Variants in EFCAB5 observed in about 807,000 individuals in gnomAD.
EFCAB5 encodes the protein EF-hand calcium-binding domain-containing protein 5.
EFCAB5 carries 131 observed loss-of-function variants against 167.9 expected under a neutral mutation model. The ratio of observed to expected loss-of-function variants is 0.78; its 90% CI spans 0.68 to 0.90. The LOEUF (loss-of-function observed/expected upper bound fraction) is 0.90, where lower values mean the gene tolerates loss of function less well. Ranked by LOEUF, EFCAB5 falls within the 40% of genes least tolerant of loss-of-function variation. The pLI is 0.00. For synonymous variants in EFCAB5, 574 were observed against 602.8 expected (o/e 0.95, Z 0.70); for missense variants, 1,663 against 1,745.2 (o/e 0.95, Z 0.84).
chr17:30,059,960 C>T (rs2070381811), intron 14 of EFCAB5: 1 of 210,854 alleles, frequency 4.7e-6, no homozygotes, highest in Non-Finnish European at 9.3e-6. Context: ...GCAGCTGTGA[C>T]TGCAGTACCT....
intron 14 of EFCAB5, chr17:30,068,783 G>T: frequency 7.4e-7 from 1 of 1,350,802 alleles, no homozygotes; most frequent in Non-Finnish European, 1.1e-6. Flanking sequence ...TTCTCCAGCC[G>T]GGCCCGCGAA....
intron 15 of EFCAB5, among the ~76,000 whole-genome samples, chr17:30,079,608 A>C (rs1490146315): frequency 6.6e-6 from 1 of 152,220 alleles, no homozygotes; most frequent in Admixed American, 6.5e-5. Flanking sequence ...TCAAATATAC[A>C]AAGTGTGTTA....
chr17:30,033,723 A>G (rs1486371431), intron 7 of EFCAB5, among the ~76,000 whole-genome samples: 1 of 152,208 alleles, frequency 6.6e-6, no homozygotes, highest in Non-Finnish European at 1.5e-5. Context: ...TTCAGTCCCT[A>G]TACTTTAAAA....
At chr17:30,092,805 G>A (rs1472457055) in intron 21 of EFCAB5, 35 bp from the exon 22 acceptor site, 1 of 1,491,334 alleles carries the variant, frequency 6.7e-7, no homozygotes, top group Non-Finnish European at 9.3e-7. Flanking sequence ...GCTTCCTGGT[G>A]ATCCCATAAA....
At chr17:29,932,325 AT>A (rs2067207897) in intron 1 of EFCAB5, among the ~76,000 whole-genome samples, 1 of 139,328 alleles carries the variant, frequency 7.2e-6, no homozygotes, top group African/African-American at 2.7e-5. Flanking sequence ...TAGTTTTTAT[AT>A]TTTTAGTAGG....
chr17:30,080,273 C>A, intron 16 of EFCAB5, 32 bp downstream of exon 16: 1 of 1,494,696 alleles, frequency 6.7e-7, no homozygotes, highest in South Asian at 1.4e-5. Context: ...TGGTTTCACC[C>A]TCCTAAAAAA....
At chr17:29,939,379 T>C (rs933081675), upstream of EFCAB5, among the ~76,000 whole-genome samples, 2 of 152,210 alleles carry the variant, frequency 1.3e-5, no homozygotes, top group Admixed American at 6.5e-5. Context: ...AAATGATAAA[T>C]GAGCATTGGT....
At chr17:30,096,259 C>T (rs1474357955) in intron 22 of EFCAB5, among the ~76,000 whole-genome samples, 2 of 152,194 alleles carry the variant, frequency 1.3e-5, no homozygotes, top group African/African-American at 4.8e-5. Flanking sequence ...TTTCTTATCA[C>T]TTCTTGTGAT....
intron 9 of EFCAB5, among the ~76,000 whole-genome samples, chr17:30,052,471 A>G (rs2070130434): frequency 6.6e-6 from 1 of 152,148 alleles, no homozygotes; most frequent in East Asian, 1.9e-4. Context: ...CTGGCCAAGA[A>G]TGTCAATATT....
chr17:29,929,912 C>T (rs770322310), intron 1 of EFCAB5: 2 of 1,573,378 alleles, frequency 1.3e-6, no homozygotes, highest in African/African-American at 1.4e-5. Flanking sequence ...CAGAAGCAAG[C>T]GGAGCGGCCG....
intron 22 of EFCAB5, among the ~76,000 whole-genome samples, chr17:30,096,672 TA>T (rs1192422905): frequency 0.014 from 904 of 62,650 alleles, 20 homozygotes; most frequent in African/African-American, 0.051. Context: ...TATATATATA[TA>T]TATATTTTTT....
At chr17:30,101,170 G>A (rs899888562) in intron 22 of EFCAB5, among the ~76,000 whole-genome samples, 2 of 152,172 alleles carry the variant, frequency 1.3e-5, no homozygotes, top group African/African-American at 4.8e-5. Flanking sequence ...GCCATTGCAA[G>A]GTTTTAAGCA....
Position 30,053,811 on chromosome 17 carries a change from C to G in EFCAB5, c.1857C>G (p.His619Gln). The G allele has an allele frequency of 6.2e-7, 1 of 1,613,878 alleles. No homozygotes were observed. The change falls in exon 10 of 23, where the codon CAC (histidine) becomes CAG (glutamine). Residue 619 changes from histidine (H) to glutamine (Q), a missense_variant. Transcript: ENST00000394835. Reference sequence around the variant, plus strand: ...AGTCTATTGCAGAACAAGATCGACACAAAGGGTCAGTAGCAGAACAAGGAT... The same window carrying G: ...AGTCTATTGCAGAACAAGATCGACAGAAAGGGTCAGTAGCAGAACAAGGAT... ...RRESIAEQDRHKGSVAEQGSR... is the reference protein window; with the variant it reads ...RRESIAEQDRQKGSVAEQGSR...
intron 8 of EFCAB5, among the ~76,000 whole-genome samples, chr17:30,050,775 G>C (rs1198553307): frequency 1.3e-5 from 2 of 152,120 alleles, no homozygotes; most frequent in South Asian, 2.1e-4. Context: ...AATGGAAAAA[G>C]GACAAGTAGG....
intron 4 of EFCAB5, among the ~76,000 whole-genome samples, chr17:29,989,185 A>T (rs995298631): frequency 6.6e-6 from 1 of 152,210 alleles, no homozygotes; most frequent in African/African-American, 2.4e-5. Context: ...GTCATTTACT[A>T]AGGTCCCCAA....
chr17:30,057,828 ACCT>A lies in EFCAB5; in HGVS notation c.2522_2524del (p.Ser841del). ...TCCCTTGAGTGTCAGCGAGACTCTC[ACCT>A]CCTTTTTTAAGGAGGGCTATGTTGA... On this transcript the variant is annotated inframe_deletion, in exon 13 of 23. Coordinates refer to ENST00000394835, the MANE Select transcript of EFCAB5 (RefSeq NM_198529.4). 1 of 1,613,786 alleles carries A rather than the reference ACCT, an allele frequency of 6.2e-7. No individual in the cohort carries two copies. The highest frequency in any genetic ancestry group is 8.5e-7 in the Non-Finnish European group (1 of 1,179,776).
chr17:29,946,032 C>T (rs1376352732), intron 3 of EFCAB5, among the ~76,000 whole-genome samples: 2 of 152,064 alleles, frequency 1.3e-5, no homozygotes, highest in Admixed American at 6.6e-5. Flanking sequence ...AAAGAAATAA[C>T]CATCAGACTA....
upstream of EFCAB5, among the ~76,000 whole-genome samples, chr17:29,939,408 G>C (rs2067270993): frequency 6.6e-6 from 1 of 152,168 alleles, no homozygotes; most frequent in African/African-American, 2.4e-5. Flanking sequence ...AAAGTCACCA[G>C]CTGCATTAGC....
chr17:30,077,594 T>C (rs2070894072), intron 14 of EFCAB5, among the ~76,000 whole-genome samples: 1 of 152,028 alleles, frequency 6.6e-6, no homozygotes, highest in Admixed American at 6.6e-5. Context: ...ATTACAAAAA[T>C]AGAGAAGACA....
Sources: gnomAD v4.1 joint callset for allele counts (sites outside exome capture counted in the v4.1 genomes callset) on GRCh38, gnomAD v4.1.1 for gene constraint, MANE v1.5 for transcripts, NCBI Gene and HGNC (gene_info 2026-07-23, HGNC 2026-07-21) for gene names.